FILIP1L: variants seen among roughly 807,000 people sequenced by gnomAD.
The protein encoded by FILIP1L is filamin A-interacting protein 1-like.
A neutral mutation model predicts 96.6 loss-of-function variants in FILIP1L; 55 were observed. The observed-to-expected ratio is 0.57, with a 90% confidence interval of 0.46 to 0.71. The LOEUF (loss-of-function observed/expected upper bound fraction) is 0.71, where lower values mean the gene tolerates loss of function less well. Among genes scored for constraint, FILIP1L ranks in the 30% least tolerant of loss-of-function variants. FILIP1L has a pLI of 0.00. For synonymous variants in FILIP1L, 467 were observed against 473.9 expected, an observed-to-expected ratio of 0.99 and a Z score of 0.19; for missense variants, 1,304 against 1,321.2, an observed-to-expected ratio of 0.99 and a Z score of 0.20.
intron 4 of FILIP1L, among the ~76,000 whole-genome samples, chr3:99,889,714 C>T (rs1472923078): frequency 1.3e-5 from 2 of 151,626 alleles, no homozygotes; most frequent in Non-Finnish European, 2.9e-5. Context: ...TACTGTATTC[C>T]TATTCTATTA....
At chr3:99,881,602 G>T (rs1035985738) in intron 4 of FILIP1L, among the ~76,000 whole-genome samples, 1 of 151,316 alleles carries the variant, frequency 6.6e-6, no homozygotes, top group East Asian at 1.9e-4. Flanking sequence ...GTGCAAGCTC[G>T]GCTCACTGCA....
chr3:100,045,947 G>T (rs986454531), intron 1 of FILIP1L, among the ~76,000 whole-genome samples: 2 of 152,110 alleles, frequency 1.3e-5, no homozygotes, highest in Non-Finnish European at 2.9e-5. Context: ...AGCTGGGGTG[G>T]ATGAGAGAAG....
At chr3:99,964,617 A>G (rs556217166) in intron 1 of FILIP1L, among the ~76,000 whole-genome samples, 2 of 152,026 alleles carry the variant, frequency 1.3e-5, no homozygotes, top group African/African-American at 4.8e-5. Context: ...CTGTGTGTCT[A>G]GGGCCAAAAG....
intron 1 of FILIP1L, among the ~76,000 whole-genome samples, chr3:100,104,712 C>G (rs2066365832): frequency 1.3e-5 from 2 of 152,178 alleles, no homozygotes; most frequent in South Asian, 4.1e-4. Flanking sequence ...GTGATTTGCA[C>G]TGATGTTCTC....
chr3:100,020,454 C>T (rs2064789090), intron 1 of FILIP1L, among the ~76,000 whole-genome samples: 1 of 152,138 alleles, frequency 6.6e-6, no homozygotes, highest in South Asian at 2.1e-4. Context: ...TACATGCTGT[C>T]AGCCTAGACA....
At chr3:100,042,326 A>G (rs968048608) in intron 1 of FILIP1L, among the ~76,000 whole-genome samples, 1 of 152,130 alleles carries the variant, frequency 6.6e-6, no homozygotes, top group African/African-American at 2.4e-5. Flanking sequence ...TAATAAGAAG[A>G]CCAGCCAGTA....
chr3:100,047,912 T>TA (rs895255858), intron 1 of FILIP1L, among the ~76,000 whole-genome samples: 7 of 152,170 alleles, frequency 4.6e-5, no homozygotes, highest in African/African-American at 1.7e-4. Context: ...TTCTGGCACT[T>TA]AGTAGGCAAA....
intron 1 of FILIP1L, among the ~76,000 whole-genome samples, chr3:100,103,889 A>G (rs1391703078): frequency 1.3e-5 from 2 of 152,234 alleles, no homozygotes; most frequent in Non-Finnish European, 2.9e-5. Context: ...ATATTTATGT[A>G]AATATCAACC....
chr3:100,110,536 C>T (rs2066473560), intron 1 of FILIP1L, among the ~76,000 whole-genome samples: 1 of 152,068 alleles, frequency 6.6e-6, no homozygotes, highest in African/African-American at 2.4e-5. Context: ...CAAGGAATTA[C>T]AACAAACTTT....
intron 1 of FILIP1L, among the ~76,000 whole-genome samples, chr3:99,951,206 A>G (rs1708166263): frequency 1.3e-5 from 2 of 152,180 alleles, no homozygotes; most frequent in African/African-American, 2.4e-5. Flanking sequence ...CCCTCAGCTG[A>G]TACTTCCTGG....
intron 5 of FILIP1L, chr3:99,833,249 G>C: frequency 6.2e-7 from 1 of 1,612,300 alleles, no homozygotes; most frequent in Non-Finnish European, 8.5e-7. Context: ...TGAGGCAGAA[G>C]AAGTGGTTCC....
chr3:99,850,748 T>TA lies in FILIP1L; in HGVS notation c.927dup (p.Met310TyrfsTer7). On this transcript the variant is annotated frameshift_variant, in exon 5 of 6. Transcript: ENST00000477258. LOFTEE classifies it high-confidence loss of function. ...CTGTCCTCATTGGTGAGCTTCGCCA[T>TA]AATTGTGTCTTGGTCTTGGTGAAAC... is the stretch of plus-strand genomic sequence containing the variant. 1 of 1,614,216 alleles carries TA rather than the reference T, an allele frequency of 6.2e-7. No homozygotes were observed. The highest frequency in any genetic ancestry group is 8.5e-7 in the Non-Finnish European group (1 of 1,180,044).
At chr3:99,920,926 G>A (rs1025968347) in intron 4 of FILIP1L, among the ~76,000 whole-genome samples, 1 of 152,136 alleles carries the variant, frequency 6.6e-6, no homozygotes, top group African/African-American at 2.4e-5. Context: ...CACTTAGAAT[G>A]TGAGCAGTAA....
At chr3:100,112,537 AG>A (rs2066509038) in intron 1 of FILIP1L, among the ~76,000 whole-genome samples, 1 of 152,250 alleles carries the variant, frequency 6.6e-6, no homozygotes, top group Non-Finnish European at 1.5e-5. Context: ...GCTTAAATAA[AG>A]CTTAAGCAAA....
intron 1 of FILIP1L, among the ~76,000 whole-genome samples, chr3:100,074,091 C>T (rs978010301): frequency 6.6e-6 from 1 of 152,118 alleles, no homozygotes; most frequent in African/African-American, 2.4e-5. Context: ...TCCTCCACAA[C>T]TGGAAAATAT....
At chr3:99,986,361 G>A (rs1709342291) in intron 1 of FILIP1L, among the ~76,000 whole-genome samples, 1 of 152,106 alleles carries the variant, frequency 6.6e-6, no homozygotes, top group South Asian at 2.1e-4. Flanking sequence ...AAAATAAAGA[G>A]AATAGTATGT....
intron 1 of FILIP1L, among the ~76,000 whole-genome samples, chr3:100,017,566 T>G (rs1377955910): frequency 6.6e-6 from 1 of 152,198 alleles, no homozygotes; most frequent in African/African-American, 2.4e-5. Flanking sequence ...GTCAGCAACA[T>G]GTATCCTGAG....
chr3:100,009,038 T>C lies in FILIP1L; in HGVS notation c.-10-78008A>G, dbSNP rs543636137. Among the ~76,000 whole-genome samples the C allele has an allele frequency of 2.7e-4, 41 of 152,318 alleles. 1 individual carries two copies. Among genetic ancestry groups the C allele is most frequent in the Non-Finnish European group, 5.3e-4 (36 of 68,022 alleles). ...CCACCCAAACCTTTACCATAGTTGC[T>C]AAGAAATAATAAAAATGACTGGTTT... On this transcript the variant is annotated intron_variant, in intron 1 of 5. Coordinates refer to ENST00000477258, the MANE Select transcript of FILIP1L (RefSeq NM_001387850.1).
intron 4 of FILIP1L, among the ~76,000 whole-genome samples, chr3:99,888,377 A>AT (rs1448235216): frequency 6.6e-6 from 1 of 152,112 alleles, no homozygotes; most frequent in Non-Finnish European, 1.5e-5. Flanking sequence ...TAAAAAAAAA[A>AT]AGTGACTGCT....
Sources: gnomAD v4.1 joint callset for allele counts (sites outside exome capture counted in the v4.1 genomes callset) on GRCh38, gnomAD v4.1.1 for gene constraint, MANE v1.5 for transcripts, NCBI Gene and HGNC (gene_info 2026-07-23, HGNC 2026-07-21) for gene names.